The following NOP9 variants were observed in gnomAD, a reference collection of about 807,000 sequenced individuals.
NOP9 encodes the protein nucleolar protein 9.
Under a neutral mutation model 63.0 loss-of-function variants are expected in NOP9, and 50 were observed. The ratio of observed to expected loss-of-function variants is 0.79; its 90% confidence interval spans 0.63 to 1.00. The LOEUF (loss-of-function observed/expected upper bound fraction) is 1.00. Among genes scored for constraint, NOP9 ranks in the 50% least tolerant of loss-of-function variants. The pLI, the probability that NOP9 is intolerant of heterozygous loss-of-function variation, is 0.00. For synonymous variants in NOP9, 343 were observed against 332.8 expected (o/e 1.03, Z -0.33); for missense variants, 758 against 803.0 (o/e 0.94, Z 0.68).
chr14:24,302,142 G>T, intron 4 of NOP9, 36 bp downstream of exon 4: 1 of 1,605,216 alleles, frequency 6.2e-7, no homozygotes, highest in African/African-American at 1.3e-5. Flanking sequence ...CCAAGTTGGC[G>T]GGGCTGTGTG....
chr14:24,296,821 C>T, upstream of NOP9: 1 of 1,614,240 alleles, frequency 6.2e-7, no homozygotes, highest in Non-Finnish European at 8.5e-7. Context: ...AGGCTTCGCA[C>T]TTCACTCTCC....
At chr14:24,288,643 C>T in the NOP9 span, among the ~76,000 whole-genome samples, 2 of 152,068 alleles carry the variant, frequency 1.3e-5, no homozygotes, top group Non-Finnish European at 2.9e-5. Flanking sequence ...CCACCGCGCC[C>T]GACCAGGAAT....
Position 24,305,671 on chromosome 14 carries a change from C to G in NOP9, c.*576C>G. 6.2e-7 allele frequency: 1 copy of G among 1,614,208 alleles called. No homozygotes were observed. The highest frequency in any genetic ancestry group is 8.5e-7 in the Non-Finnish European group (1 of 1,180,032). On this transcript the variant is annotated 3_prime_UTR_variant, in exon 10 of 10. Coordinates refer to ENST00000267425, the MANE Select transcript of NOP9 (RefSeq NM_174913.3). ...AGGCGGCCCTTCTGCTGCCACTGCT[C>G]AGCCCCCTCCACTGCATGACGAAGG...
intron 6 of NOP9, 60 bp from the exon 7 acceptor site, chr14:24,303,672 A>G: frequency 1.9e-6 from 3 of 1,573,004 alleles, no homozygotes; most frequent in African/African-American, 1.3e-5. Context: ...GTGTTCCCTT[A>G]AAGTTGAGGT....
At chr14:24,298,701 G>A (rs765702388), upstream of NOP9, 4 of 394,402 alleles carry the variant, frequency 1.0e-5, no homozygotes, top group East Asian at 4.7e-5. Flanking sequence ...CTCAGCCTCC[G>A]GAGTAGCTGC....
Position 24,307,589 on chromosome 14 carries a change from A to G in NOP9, c.*2494A>G, listed in dbSNP as rs943607918. 5 of 1,483,570 alleles carry G rather than the reference A, an allele frequency of 3.4e-6. No individual in the cohort carries two copies. In the African/African-American group the frequency reaches 5.7e-5, roughly 17 times the overall value. The allele number at this position is 1,483,570 out of a possible 1,614,324, so 91.9% of individuals were successfully genotyped here. On this transcript the variant is annotated 3_prime_UTR_variant, in exon 10 of 10. Coordinates refer to ENST00000267425, the MANE Select transcript of NOP9 (RefSeq NM_174913.3). ...AGTGTAAAGGGCATGATGAGGGTAG[A>G]GTGGCTAGAGGGCTAGGGAGGGAGA... is the stretch of plus-strand genomic sequence containing the variant.
the NOP9 span, among the ~76,000 whole-genome samples, chr14:24,289,841 C>T: frequency 2.0e-5 from 3 of 152,368 alleles, no homozygotes; most frequent in Admixed American, 1.3e-4. Context: ...ACTCCACTTA[C>T]CACTGGAACA....
chr14:24,296,915 A>G, upstream of NOP9: 2 of 1,613,644 alleles, frequency 1.2e-6, no homozygotes, highest in Non-Finnish European at 1.7e-6. Flanking sequence ...GCTCACATTC[A>G]CACATGGGTG....
At position 24,302,406 on chromosome 14, in the gene NOP9, A is replaced by G; in HGVS notation, c.1125A>G (p.Ala375=). ...ANFPLQRLLD[A]VTTPELLSPV... ...TCCCTTTGCAGCGCTTACTGGATGC[A>G]GTCACTACCCCTGAGCTGGTGAGTT... The change falls in exon 5 of 10, where the codon GCA becomes GCG. Residue 375 remains alanine (A), a synonymous_variant. Transcript: ENST00000267425. The G allele has an allele frequency of 6.2e-7, 1 of 1,611,990 alleles. No individual in the cohort carries two copies. Among genetic ancestry groups the G allele is most frequent in the Non-Finnish European group, 8.5e-7 (1 of 1,178,494 alleles).
At chr14:24,291,146 A>G in the NOP9 span, 1 of 1,614,164 alleles carries the variant, frequency 6.2e-7, no homozygotes, top group Non-Finnish European at 8.5e-7. Flanking sequence ...CACCGTCCAC[A>G]TCCCGAAGGC....
upstream of NOP9, chr14:24,299,257 G>T: frequency 1.1e-6 from 1 of 911,266 alleles, no homozygotes; most frequent in Non-Finnish European, 1.6e-6. Flanking sequence ...CCTTTGAGGG[G>T]AGAGGAGTCA....
chr14:24,296,864 G>A (rs2041258359), upstream of NOP9: 3 of 1,614,062 alleles, frequency 1.9e-6, no homozygotes, highest in African/African-American at 1.3e-5. Flanking sequence ...GCACACATTG[G>A]CCCCCGAGGG....
At chr14:24,293,045 A>C in the NOP9 span, 1 of 450,014 alleles carries the variant, frequency 2.2e-6, no homozygotes, top group Admixed American at 4.2e-5. Flanking sequence ...TAACAATTAC[A>C]AACAAAATTG....
the NOP9 span, among the ~76,000 whole-genome samples, chr14:24,274,316 A>T: frequency 6.6e-6 from 1 of 152,156 alleles, no homozygotes; most frequent in Admixed American, 6.5e-5. Context: ...CAGGCTTAAG[A>T]GAGGAAGTGA....
the NOP9 span, chr14:24,290,893 T>C: frequency 1.2e-6 from 2 of 1,613,652 alleles, no homozygotes; most frequent in South Asian, 1.1e-5. Flanking sequence ...AATAATCCAC[T>C]TGGGCACACG....
At chr14:24,274,421 G>A in the NOP9 span, among the ~76,000 whole-genome samples, 609 of 152,270 alleles carry the variant, frequency 4.0e-3, no homozygotes, top group African/African-American at 0.014. Flanking sequence ...TGACGTGAAG[G>A]TGGGGGAGAG....
chr14:24,287,705 AC>A, the NOP9 span, among the ~76,000 whole-genome samples: 1 of 151,412 alleles, frequency 6.6e-6, no homozygotes, highest in Non-Finnish European at 1.5e-5. Context: ...CAAAAAACCC[AC>A]CTCCACCCCT....
chr14:24,291,774 G>T, the NOP9 span: 1 of 782,958 alleles, frequency 1.3e-6, no homozygotes, highest in Non-Finnish European at 2.2e-6. Flanking sequence ...CCAAAGTATT[G>T]GCAGGTGCCA....
rs759825430 is a variant in NOP9, at chr14:24,300,111, T to G, written c.157T>G (p.Ser53Ala). The G allele has an allele frequency of 5.6e-6, 9 of 1,613,594 alleles. No homozygotes were observed. Among genetic ancestry groups the G allele is most frequent in the Non-Finnish European group, 7.6e-6 (9 of 1,179,890 alleles). ...TGGGCGCTCGGAGCCGGCTCCAGAT[T>G]CGCACCCGCACCTGAGCCCGGAAGC... is the stretch of plus-strand genomic sequence containing the variant. ...PDGRSEPAPD[S>A]HPHLSPEALG... Residue 53 changes from serine (S) to alanine (A), a missense_variant, in exon 1 of 10, where the codon TCG (serine) becomes GCG (alanine). Coordinates refer to ENST00000267425, the MANE Select transcript of NOP9 (RefSeq NM_174913.3).
Sources: allele counts gnomAD v4.1 joint callset (sites outside exome capture counted in the v4.1 genomes callset), GRCh38; gene constraint gnomAD v4.1.1; transcripts MANE v1.5; gene names NCBI Gene and HGNC (gene_info 2026-07-23, HGNC 2026-07-21).